The following FHIP1A variants were observed in gnomAD, a reference collection of about 807,000 sequenced individuals.
FHIP1A encodes FHF complex subunit HOOK interacting protein 1A.
FHIP1A carries 61 observed loss-of-function variants against 88.6 expected under a neutral mutation model. The ratio of observed to expected loss-of-function variants is 0.69; its 90% CI spans 0.56 to 0.85. FHIP1A has a LOEUF of 0.85. FHIP1A is among the 40% of genes least tolerant of loss of function. FHIP1A has a pLI of 0.00. For missense variants in FHIP1A, 1,154 were observed against 1,273.5 expected, an observed-to-expected ratio of 0.91 and a Z score of 1.43; for synonymous variants, 478 against 496.0, an observed-to-expected ratio of 0.96 and a Z score of 0.48.
chr4:151,632,242 A>C (rs992974878), intron 8 of FHIP1A, among the ~76,000 whole-genome samples: 7 of 151,970 alleles, frequency 4.6e-5, no homozygotes, highest in African/African-American at 1.7e-4. Context: ...ATTCACTAGT[A>C]AGATATAAAT....
intron 7 of FHIP1A, among the ~76,000 whole-genome samples, chr4:151,589,175 C>A (rs1252720773): frequency 1.3e-5 from 2 of 152,114 alleles, no homozygotes; most frequent in African/African-American, 4.8e-5. Flanking sequence ...GGAACATTGG[C>A]AGATAGACTC....
intron 3 of FHIP1A, among the ~76,000 whole-genome samples, chr4:151,550,049 G>T (rs916806705): frequency 1.6e-4 from 24 of 152,100 alleles, no homozygotes; most frequent in African/African-American, 5.5e-4. Flanking sequence ...TTGTTCTCCA[G>T]GTTGTTGGTA....
chr4:151,612,662 G>T (rs962445295), intron 7 of FHIP1A, among the ~76,000 whole-genome samples: 1 of 152,144 alleles, frequency 6.6e-6, no homozygotes, highest in African/African-American at 2.4e-5. Context: ...GATTACAGGC[G>T]TGAGCCACCG....
rs1560809234 is a variant in FHIP1A at position 151,629,851 on chromosome 4, A to C, written c.1128A>C (p.Arg376=). 9.7e-6 allele frequency: 15 copies of C among 1,551,306 alleles called. No homozygotes were observed. Among genetic ancestry groups the C allele is most frequent in the Non-Finnish European group, 1.1e-5 (13 of 1,146,710 alleles). ...ACATCCTAGACACTCTCACGAGTCG[A>C]ATCAACACCCCGTTTCGGGTAAGGA... is the stretch of plus-strand genomic sequence containing the variant. The part of the protein sequence containing the change: ...NVHILDTLTS[R]INTPFRLCVV... The change falls in exon 8 of 14, where the codon CGA becomes CGC. Residue 376 remains arginine (R), a synonymous_variant. Transcript: ENST00000435205.
intron 3 of FHIP1A, among the ~76,000 whole-genome samples, chr4:151,496,739 T>G (rs930875990): frequency 6.7e-6 from 1 of 148,908 alleles, no homozygotes; most frequent in African/African-American, 2.5e-5. Flanking sequence ...TTTTTGTATT[T>G]TTGATGGAGA....
intron 3 of FHIP1A, among the ~76,000 whole-genome samples, chr4:151,528,128 T>C (rs1731747917): frequency 6.6e-6 from 1 of 152,220 alleles, no homozygotes; most frequent in Admixed American, 6.5e-5. Flanking sequence ...CAGCAGCTGC[T>C]TGGTTCTTTT....
rs202118440 is a variant in FHIP1A, at chr4:151,435,784, C to CA, written c.-355-18897dup. Among the ~76,000 whole-genome samples the CA allele has an allele frequency of 7.2e-3, 872 of 121,340 alleles. 8 individuals are homozygous for CA. The highest frequency in any genetic ancestry group is 0.017 in the South Asian group (59 of 3,428). 79.6% of individuals were successfully genotyped at this position (121,340 alleles called of 152,430 possible). On this transcript the variant is annotated intron_variant, in intron 1 of 13. Transcript: ENST00000435205. The stretch of plus-strand genomic sequence containing the variant: ...TGGGTGACAGAGTGAAACTCTGTGT[C>CA]AAAAAAAAAAAAAAAAAAAATTCTA...
chr4:151,515,334 C>T (rs1323883216), intron 3 of FHIP1A, among the ~76,000 whole-genome samples: 2 of 151,466 alleles, frequency 1.3e-5, no homozygotes, highest in African/African-American at 4.9e-5. Flanking sequence ...ATGACAAACC[C>T]ACAGCCAATA....
chr4:151,491,564 A>T (rs1730282907), intron 3 of FHIP1A, among the ~76,000 whole-genome samples: 1 of 152,182 alleles, frequency 6.6e-6, no homozygotes, highest in African/African-American at 2.4e-5. Context: ...CAGGGCCTAT[A>T]AAACAATAAC....
At chr4:151,571,424 A>G (rs891527787) in intron 4 of FHIP1A, among the ~76,000 whole-genome samples, 2 of 152,162 alleles carry the variant, frequency 1.3e-5, no homozygotes, top group South Asian at 2.1e-4. Context: ...AACCTTTTTC[A>G]TCTTGGAGGG....
In FHIP1A at chr4:151,577,848, G is replaced by C; in HGVS notation, c.504G>C (p.Gln168His). Residue 168 changes from glutamine to histidine, a missense_variant, in exon 5 of 14, where the codon CAG becomes CAC. Physicochemically the swap from Gln to His is conservative, Grantham distance 24. Transcript: ENST00000435205. ...AGAAGCTGGTTGTCCTACTCAATCA[G>C]CTCTGTTCCATTCTTGCCAAAGATC... ...VEEKLVVLLN[Q>H]LCSILAKDPS... 1 of 1,551,870 alleles carries C rather than the reference G, an allele frequency of 6.4e-7. No individual in the cohort carries two copies. The highest frequency in any genetic ancestry group is 8.7e-7 in the Non-Finnish European group (1 of 1,147,024).
chr4:151,532,291 A>G (rs1411793205), intron 3 of FHIP1A, among the ~76,000 whole-genome samples: 2 of 152,096 alleles, frequency 1.3e-5, no homozygotes, highest in Non-Finnish European at 2.9e-5. Flanking sequence ...ATCTACTTTC[A>G]TTTGCCAGAT....
chr4:151,512,062 C>T (rs980362403), intron 3 of FHIP1A, among the ~76,000 whole-genome samples: 1 of 152,194 alleles, frequency 6.6e-6, no homozygotes, highest in Non-Finnish European at 1.5e-5. Context: ...TGACACCTCA[C>T]ACGGCCGGGT....
chr4:151,616,456 T>C (rs894797921), intron 7 of FHIP1A, among the ~76,000 whole-genome samples: 1 of 144,984 alleles, frequency 6.9e-6, no homozygotes, highest in African/African-American at 2.5e-5. Context: ...TTTTTTTTTT[T>C]TTTTTTTTTT....
intron 3 of FHIP1A, among the ~76,000 whole-genome samples, chr4:151,537,015 C>T (rs1027653499): frequency 1.3e-5 from 2 of 152,098 alleles, no homozygotes; most frequent in East Asian, 1.9e-4. Context: ...GCTGGGACTA[C>T]AGGTGGTCAC....
In FHIP1A at chr4:151,577,605, G is replaced by A. The variant is rs768810747; in HGVS notation, c.261G>A (p.Pro87=). 5.2e-6 allele frequency: 8 copies of A among 1,551,772 alleles called. No homozygotes were observed. Among genetic ancestry groups the A allele is most frequent in the South Asian group, 2.4e-5 (2 of 84,058 alleles). The change falls in exon 5 of 14, where the codon CCG becomes CCA. Residue 87 remains proline, a synonymous_variant. Transcript: ENST00000435205. ...EEQAKDAAMG[P]ILEFVVSENI... ...AAGCCAAAGATGCTGCAATGGGGCC[G>A]ATTCTGGAATTTGTGGTCTCTGAGA...
At chr4:151,605,310 A>G (rs1293972459) in intron 7 of FHIP1A, among the ~76,000 whole-genome samples, 1 of 152,156 alleles carries the variant, frequency 6.6e-6, no homozygotes, top group African/African-American at 2.4e-5. Context: ...AAAGTTTGGG[A>G]CTATCTCTGG....
intron 8 of FHIP1A, among the ~76,000 whole-genome samples, chr4:151,630,468 A>T (rs1428586352): frequency 6.6e-6 from 1 of 152,176 alleles, no homozygotes; most frequent in African/African-American, 2.4e-5. Flanking sequence ...ATATAACAAT[A>T]ATTGCACAAA....
intron 3 of FHIP1A, among the ~76,000 whole-genome samples, chr4:151,529,869 CCATGG>C (rs1266312007): frequency 6.6e-6 from 1 of 152,144 alleles, no homozygotes; most frequent in Non-Finnish European, 1.5e-5. Context: ...CTCCAGTAGG[CCATGG>C]CATGTTTTTC....
Sources: gnomAD v4.1 joint callset for allele counts (sites outside exome capture counted in the v4.1 genomes callset) on GRCh38, gnomAD v4.1.1 for gene constraint, MANE v1.5 for transcripts, NCBI Gene and HGNC (gene_info 2026-07-23, HGNC 2026-07-21) for gene names.